Variants in FAT2 observed in about 807,000 individuals in gnomAD.
The protein encoded by FAT2 is protocadherin Fat 2.
A neutral mutation model predicts 295.3 loss-of-function variants in FAT2; 150 were observed. The ratio of observed to expected loss-of-function variants is 0.51; its 90% CI spans 0.44 to 0.58. The LOEUF (loss-of-function observed/expected upper bound fraction) is 0.58. FAT2 is among the 20% of genes least tolerant of loss of function. The probability of loss-of-function intolerance (pLI) is 0.00; values close to 1 mark genes in which losing one functional copy is unlikely to be tolerated. For synonymous variants in FAT2, 2,026 were observed against 2,150.3 expected (o/e 0.94, Z 1.60); for missense variants, 4,868 against 5,442.7 (o/e 0.89, Z 3.32).
Position 151,566,482 on chromosome 5 carries a change from G to C in FAT2, c.2450C>G (p.Ala817Gly). Residue 817 changes from alanine (A) to glycine (G), a missense_variant, in exon 2 of 24, where the codon GCA becomes GGA. Physicochemically the swap from Ala to Gly is moderately conservative, Grantham distance 60. Around this residue, in one of 5 missense-constraint regions of FAT2, gnomAD observed 3,297 missense variants for 3,669.4 expected, o/e 0.90. Coordinates refer to ENST00000261800, the MANE Select transcript of FAT2 (RefSeq NM_001447.3). ...TVNVKDWNDNAPRFPPGGYQL... is the reference protein window; with the variant it reads ...TVNVKDWNDNGPRFPPGGYQL... ...GTACCCACCGGGAGGAAATCTGGGT[G>C]CGTTGTCATTCCAGTCTTTCACATT... The C allele has an allele frequency of 6.2e-7, 1 of 1,613,912 alleles. No individual in the cohort carries two copies. The highest frequency in any genetic ancestry group is 8.5e-7 in the Non-Finnish European group (1 of 1,179,902).
In FAT2 at chr5:151,534,424, G is replaced by A. The variant is rs753694492; in HGVS notation, c.9412C>T (p.Arg3138Trp). The A allele has an allele frequency of 2.0e-5, 32 of 1,607,352 alleles. 1 individual carries two copies. The South Asian group carries it at 2.1e-4, about 11-fold the overall frequency. The change falls in exon 13 of 24, where the codon CGG becomes TGG. Residue 3138 changes from arginine (R) to tryptophan (W), a missense_variant. Arg to Trp is a moderately radical substitution (Grantham distance 101). Transcript: ENST00000261800. ...VKTPVAVVFARDPDQGANAQV... is the reference protein window; with the variant it reads ...VKTPVAVVFAWDPDQGANAQV... ...TCAGACTCACCTTGGTCGGGATCCC[G>A]GGCAAATACTACAGCCACAGGGGTC...
At chr5:151,506,982 G>T (rs889520718) in intron 23 of FAT2, among the ~76,000 whole-genome samples, 172 bp downstream of exon 23, 1 of 152,212 alleles carries the variant, frequency 6.6e-6, no homozygotes, top group Non-Finnish European at 1.5e-5. Context: ...CAGAAACCTG[G>T]TATCTGCTCC....
In FAT2 at chr5:151,549,286, G is replaced by A. The variant is rs2127618777; in HGVS notation, c.4789+9C>T. The A allele has an allele frequency of 1.9e-6, 3 of 1,611,700 alleles. No homozygotes were observed. The highest frequency in any genetic ancestry group is 2.5e-6 in the Non-Finnish European group (3 of 1,179,480). Reference sequence around the variant, plus strand: ...ACCCATCCTCTGAGCTCATGGCCAGGCCTCTCACCTTTCAGGAGGGAGTAG... The same window carrying A: ...ACCCATCCTCTGAGCTCATGGCCAGACCTCTCACCTTTCAGGAGGGAGTAG... On this transcript the variant is annotated intron_variant, in intron 9 of 23. Transcript: ENST00000261800.
intron 9 of FAT2, among the ~76,000 whole-genome samples, chr5:151,547,712 C>T (rs1322553661): frequency 1.3e-5 from 2 of 152,132 alleles, no homozygotes; most frequent in East Asian, 3.8e-4. Context: ...AAGTCAACAA[C>T]CTACATGTGA....
At chr5:151,526,293 AT>A (rs1753972585) in intron 17 of FAT2, among the ~76,000 whole-genome samples, 1 of 152,226 alleles carries the variant, frequency 6.6e-6, no homozygotes, top group Non-Finnish European at 1.5e-5. Context: ...TGAATCATGT[AT>A]TTAAATTAGT....
In FAT2 at chr5:151,531,927, T is replaced by A. The variant is rs748893899; in HGVS notation, c.9471A>T (p.Glu3157Asp). The A allele has an allele frequency of 6.2e-7, 1 of 1,614,206 alleles. No homozygotes were observed. Among genetic ancestry groups the A allele is most frequent in the East Asian group, 2.2e-5 (1 of 44,890 alleles). ...QVVYSLPDSA[E>D]GHFSIDATTG... ...TGGTGGCGTCGATGGAAAAGTGGCC[T>A]TCGGCTGAATCCGGCAGAGAGTAAA... The change falls in exon 14 of 24, where the codon GAA becomes GAT. Residue 3157 changes from glutamate (E) to aspartate (D), a missense_variant. Glu to Asp is a conservative substitution (Grantham distance 45). This residue lies in a region of FAT2 where 1,046 missense variants were observed against 1,210.1 expected (regional missense o/e 0.86). Coordinates refer to ENST00000261800, the MANE Select transcript of FAT2 (RefSeq NM_001447.3). The surrounding 1 kb of genome is among the most constrained non-coding windows in gnomAD (Gnocchi z 5.7).
chr5:151,534,996 T>C (rs1755105153), intron 12 of FAT2, among the ~76,000 whole-genome samples: 1 of 143,556 alleles, frequency 7.0e-6, no homozygotes, highest in Non-Finnish European at 1.5e-5. Flanking sequence ...TATATATATA[T>C]GTATACATTT....
rs1755635205 is a variant in FAT2, at chr5:151,537,941, G to C, written c.9045C>G (p.Leu3015=). 1 of 1,613,764 alleles carries C rather than the reference G, an allele frequency of 6.2e-7. No individual in the cohort carries two copies. The highest frequency in any genetic ancestry group is 8.5e-7 in the Non-Finnish European group (1 of 1,179,842). ...NDNSPQCSQL[L]YTGKVHEDVF... ...CATCTTCATGAACCTTGCCAGTATA[G>C]AGAAGCTAGAGATGGAAAGACAAAG... The change falls in exon 12 of 24, where the codon CTC becomes CTG. Residue 3015 remains leucine (L), a synonymous_variant. Coordinates refer to ENST00000261800, the MANE Select transcript of FAT2 (RefSeq NM_001447.3).
chr5:151,554,826 G>T (rs1282375109), intron 4 of FAT2, among the ~76,000 whole-genome samples, 153 bp from the exon 5 acceptor site: 1 of 152,068 alleles, frequency 6.6e-6, no homozygotes, highest in Non-Finnish European at 1.5e-5. Flanking sequence ...CAGCTCTCTG[G>T]CAACTTTGCC....
chr5:151,522,231 A>G, intron 18 of FAT2, 145 bp from the exon 19 acceptor site: 2 of 618,094 alleles, frequency 3.2e-6, no homozygotes, highest in Non-Finnish European at 5.5e-6. Context: ...CATTTAGAAA[A>G]AAAAAACCTA....
chr5:151,523,514 A>C (rs1753697138), intron 18 of FAT2, among the ~76,000 whole-genome samples: 1 of 152,168 alleles, frequency 6.6e-6, no homozygotes, highest in Non-Finnish European at 1.5e-5. Flanking sequence ...CTGTGTCTAT[A>C]GCCTGTGTTT....
At position 151,566,450 on chromosome 5, in the gene FAT2, T is replaced by A; in HGVS notation, c.2482A>T (p.Thr828Ser). 6.2e-7 allele frequency: 1 copy of A among 1,613,430 alleles called. No homozygotes were observed. Among genetic ancestry groups the A allele is most frequent in the Non-Finnish European group, 8.5e-7 (1 of 1,179,692 alleles). Residue 828 changes from threonine to serine, a missense_variant, in exon 2 of 24, where the codon ACC becomes TCC. By Grantham distance (58) the Thr-to-Ser change is moderately conservative (BLOSUM62 1). This residue lies in a region of FAT2 where 3,297 missense variants were observed against 3,669.4 expected (regional missense o/e 0.90). Transcript: ENST00000261800. ...CCAACTTCTGTGTCCTCCGAGATGG[T>A]TAACTGGTACCCACCGGGAGGAAAT... ...PRFPPGGYQL[T>S]ISEDTEVGTT...
chr5:151,528,810 C>T (rs1754291711), intron 15 of FAT2, among the ~76,000 whole-genome samples: 1 of 152,134 alleles, frequency 6.6e-6, no homozygotes, highest in Non-Finnish European at 1.5e-5. Flanking sequence ...TCAGTCCCTG[C>T]CCCACAACTG....
Position 151,546,158 on chromosome 5 carries a change from C to T in FAT2, c.4969G>A (p.Ala1657Thr), listed in dbSNP as rs376919317. ...IIHVYPSDRS[A>T]PIFSKSEYFV... The stretch of plus-strand genomic sequence containing the variant: ...TACTCAGATTTTGAAAAGATGGGGG[C>T]ACTCCTATCTGAGGGATAGACATGA... Residue 1657 changes from alanine (A) to threonine (T), a missense_variant, in exon 10 of 24, where the codon GCC becomes ACC. Physicochemically the swap from Ala to Thr is moderately conservative, Grantham distance 58 (BLOSUM62 0). Transcript: ENST00000261800. 1.9e-6 allele frequency: 3 copies of T among 1,614,128 alleles called. No homozygotes were observed. The highest frequency in any genetic ancestry group is 2.5e-6 in the Non-Finnish European group (3 of 1,180,014).
chr5:151,525,880 C>T lies in FAT2; in HGVS notation c.10394G>A (p.Arg3465Gln), dbSNP rs371674925. Reference sequence around the variant, plus strand: ...AGAGCCGTTGTTCCCCTTGGTGATTCGAAACGAGTAGGGGGGGCCATTCTC... The same window carrying T: ...AGAGCCGTTGTTCCCCTTGGTGATTTGAAACGAGTAGGGGGGGCCATTCTC... ...SPENGPPYSF[R>Q]ITKGNNGSAF... The change falls in exon 18 of 24, where the codon CGA becomes CAA. Residue 3465 changes from arginine to glutamine, a missense_variant. This residue lies in a region of FAT2 where 1,046 missense variants were observed against 1,210.1 expected (regional missense o/e 0.86). Coordinates refer to ENST00000261800, the MANE Select transcript of FAT2 (RefSeq NM_001447.3). The T allele has an allele frequency of 1.1e-5, 17 of 1,614,116 alleles. No homozygotes were observed. Among genetic ancestry groups the T allele is most frequent in the African/African-American group, 5.3e-5 (4 of 75,012 alleles).
rs764794601 is a variant in FAT2, at chr5:151,563,471, T to C, written c.3428A>G (p.Tyr1143Cys). The change falls in exon 3 of 24, where the codon TAC (tyrosine) becomes TGC (cysteine). Residue 1143 changes from tyrosine (Y) to cysteine (C), a missense_variant. By Grantham distance (194) the Tyr-to-Cys change is radical. Coordinates refer to ENST00000261800, the MANE Select transcript of FAT2 (RefSeq NM_001447.3). ...NPPQMSQAVF[Y>C]PSIQEDAPVG... ...GGGAGCATCCTCCTGGATGGAGGGG[T>C]AGAACACAGCTTGGGACATCTGGGG... The C allele has an allele frequency of 1.2e-6, 2 of 1,614,094 alleles. No individual in the cohort carries two copies. Among genetic ancestry groups the C allele is most frequent in the Admixed American group, 3.3e-5 (2 of 60,012 alleles).
intron 1 of FAT2, among the ~76,000 whole-genome samples, chr5:151,590,935 C>G (rs1288390598): frequency 6.6e-6 from 1 of 152,200 alleles, no homozygotes; most frequent in African/African-American, 2.4e-5. Flanking sequence ...CATTGCTGGG[C>G]CCCGATCCCC....
rs35511751 is a variant in FAT2 at position 151,531,895 on chromosome 5, A to AC, written c.9502dup (p.Val3168GlyfsTer24). On this transcript the variant is annotated frameshift_variant, in exon 14 of 24. Transcript: ENST00000261800. LOFTEE classifies it high-confidence loss of function. The surrounding 1 kb of genome is among the most constrained non-coding windows in gnomAD (Gnocchi z 5.7). ...CTGCAGCGGCTTTTCCAGGCGGATC[A>AC]CCCCCGTGGTGGCGTCGATGGAAAA... 1.2e-6 allele frequency: 2 copies of AC among 1,614,076 alleles called. No homozygotes were observed. Among genetic ancestry groups the AC allele is most frequent in the Non-Finnish European group, 1.7e-6 (2 of 1,180,024 alleles).
At position 151,543,795 on chromosome 5, in the gene FAT2, C is replaced by A; in HGVS notation, c.7332G>T (p.Lys2444Asn). The A allele has an allele frequency of 6.2e-7, 1 of 1,614,146 alleles. No individual in the cohort carries two copies. Among genetic ancestry groups the A allele is most frequent in the Non-Finnish European group, 8.5e-7 (1 of 1,180,036 alleles). The stretch of plus-strand genomic sequence containing the variant: ...TCAAATTGTAAGAAGAGTCCAGGTG[C>A]TTTTTGCAAAGGTTGAACATAGAAA... ...GIISMFNLCK[K>N]HLDSSYNLRV... The change falls in exon 10 of 24, where the codon AAG (lysine) becomes AAT (asparagine). Residue 2444 changes from lysine (K) to asparagine (N), a missense_variant. By Grantham distance (94) the Lys-to-Asn change is moderately conservative (BLOSUM62 0). Around this residue, in one of 5 missense-constraint regions of FAT2, gnomAD observed 3,297 missense variants for 3,669.4 expected, o/e 0.90. Transcript: ENST00000261800.
Sources: allele counts gnomAD v4.1 joint callset (sites outside exome capture counted in the v4.1 genomes callset), GRCh38; gene constraint gnomAD v4.1.1; regional missense constraint gnomAD v4.1.1; non-coding constraint Gnocchi (gnomAD v3.1); transcripts MANE v1.5; gene names NCBI Gene and HGNC (gene_info 2026-07-23, HGNC 2026-07-21).